Variants in CSMD3 observed in about 807,000 individuals in gnomAD.
CSMD3 encodes the protein CUB and sushi domain-containing protein 3.
CSMD3 carries 177 observed loss-of-function variants against 435.2 expected under a neutral mutation model. The observed-to-expected ratio is 0.41, with a 90% CI of 0.36 to 0.46. The LOEUF is 0.46. CSMD3 is among the 20% of genes least tolerant of loss of function. The pLI, the probability that CSMD3 is intolerant of heterozygous loss-of-function variation, is 0.34. For missense variants in CSMD3, 4,265 were observed against 4,504.6 expected (o/e 0.95, Z 1.52); for synonymous variants, 1,656 against 1,520.5 (o/e 1.09, Z -2.07).
chr8:112,664,344 G>T (rs2075464540), intron 17 of CSMD3, among the ~76,000 whole-genome samples: 1 of 152,054 alleles, frequency 6.6e-6, no homozygotes, highest in Non-Finnish European at 1.5e-5. Context: ...ACATAATTCT[G>T]TGTGCTAAAG....
chr8:112,537,416 G>A (rs1419203459), intron 27 of CSMD3, among the ~76,000 whole-genome samples: 2 of 151,482 alleles, frequency 1.3e-5, no homozygotes, highest in African/African-American at 4.8e-5. Flanking sequence ...AAAATTGAGA[G>A]TGAAAAAAGA....
intron 13 of CSMD3, among the ~76,000 whole-genome samples, chr8:112,767,364 T>C (rs949168856): frequency 6.6e-6 from 1 of 151,780 alleles, no homozygotes; most frequent in South Asian, 2.1e-4. Context: ...AACCAAGATA[T>C]AGGATGATAC....
intron 32 of CSMD3, among the ~76,000 whole-genome samples, chr8:112,418,130 G>A (rs1372638400): frequency 1.3e-5 from 2 of 152,106 alleles, no homozygotes; most frequent in Non-Finnish European, 2.9e-5. Context: ...AATAAAGAAG[G>A]ATTCAAATCA....
At chr8:112,604,723 T>C (rs1832656609) in intron 22 of CSMD3, among the ~76,000 whole-genome samples, 1 of 152,084 alleles carries the variant, frequency 6.6e-6, no homozygotes, top group Admixed American at 6.6e-5. Context: ...ACCTAGCTCC[T>C]GGCAAAGGTT....
At chr8:112,483,474 C>G (rs1209656160) in intron 31 of CSMD3, among the ~76,000 whole-genome samples, 2 of 152,178 alleles carry the variant, frequency 1.3e-5, no homozygotes, top group East Asian at 3.9e-4. Context: ...CAGAGTGAGA[C>G]TCCACCTCGA....
At chr8:112,289,652 C>A in intron 56 of CSMD3, 114 bp from the exon 57 acceptor site, 2 of 690,832 alleles carry the variant, frequency 2.9e-6, no homozygotes, top group Admixed American at 2.9e-5. Context: ...ACATCTAAAG[C>A]CTCCAGAAAT....
intron 5 of CSMD3, among the ~76,000 whole-genome samples, chr8:113,032,841 G>A (rs1190112848): frequency 6.6e-6 from 1 of 151,422 alleles, no homozygotes; most frequent in Admixed American, 6.6e-5. Flanking sequence ...ATGGCTTCCT[G>A]GGCTGCACTC....
intron 32 of CSMD3, among the ~76,000 whole-genome samples, chr8:112,431,587 A>G (rs1563937833): frequency 6.6e-6 from 1 of 152,148 alleles, no homozygotes; most frequent in Non-Finnish European, 1.5e-5. Flanking sequence ...GAGCTTGAAC[A>G]GCGAAATGAT....
intron 4 of CSMD3, among the ~76,000 whole-genome samples, chr8:113,146,577 G>A (rs946801670): frequency 1.3e-5 from 2 of 151,522 alleles, no homozygotes; most frequent in Non-Finnish European, 3.0e-5. Context: ...ACATTTGGAA[G>A]AAGGCAAAGA....
intron 13 of CSMD3, among the ~76,000 whole-genome samples, chr8:112,734,123 A>G (rs947645266): frequency 3.2e-4 from 49 of 152,118 alleles, no homozygotes; most frequent in African/African-American, 1.1e-3. Context: ...GAAACATTAA[A>G]CAAAAGAAGT....
intron 32 of CSMD3, among the ~76,000 whole-genome samples, chr8:112,438,358 A>T (rs1563945883): frequency 6.6e-6 from 1 of 152,188 alleles, no homozygotes; most frequent in Admixed American, 6.5e-5. Flanking sequence ...CTGACAGTTC[A>T]GAATTCTGCT....
At chr8:112,480,909 T>A (rs771986459) in intron 31 of CSMD3, among the ~76,000 whole-genome samples, 11 of 152,214 alleles carry the variant, frequency 7.2e-5, no homozygotes, top group South Asian at 6.2e-4. Context: ...AGTTTCTTAG[T>A]TTTCTTGTTC....
At chr8:112,260,344 C>T (rs1446477619) in intron 61 of CSMD3, among the ~76,000 whole-genome samples, 1 of 151,968 alleles carries the variant, frequency 6.6e-6, no homozygotes, top group Non-Finnish European at 1.5e-5. Flanking sequence ...AACACTGTGC[C>T]CTTGCAATTT....
intron 36 of CSMD3, among the ~76,000 whole-genome samples, chr8:112,385,740 T>C (rs1376492684): frequency 6.6e-6 from 1 of 152,098 alleles, no homozygotes; most frequent in Non-Finnish European, 1.5e-5. Flanking sequence ...AAGGAAAAAT[T>C]TGAGAATAAT....
At chr8:112,758,245 T>C (rs961942049) in intron 13 of CSMD3, among the ~76,000 whole-genome samples, 1 of 151,458 alleles carries the variant, frequency 6.6e-6, no homozygotes, top group Non-Finnish European at 1.5e-5. Flanking sequence ...TCCCAGCTAC[T>C]TGGGATGTTA....
chr8:112,687,605 T>C (rs1563853414), intron 14 of CSMD3, among the ~76,000 whole-genome samples: 1 of 152,182 alleles, frequency 6.6e-6, no homozygotes, highest in Non-Finnish European at 1.5e-5. Flanking sequence ...TATATCTCTC[T>C]TTATAACTTT....
At chr8:113,212,717 C>G (rs989630461) in intron 3 of CSMD3, among the ~76,000 whole-genome samples, 1 of 151,482 alleles carries the variant, frequency 6.6e-6, no homozygotes, top group African/African-American at 2.4e-5. Flanking sequence ...GAAGGGGAAC[C>G]TCACACACCA....
chr8:112,510,205 G>A (rs1822964979), intron 28 of CSMD3, among the ~76,000 whole-genome samples: 2 of 152,036 alleles, frequency 1.3e-5, no homozygotes. Flanking sequence ...TAATTGAAAC[G>A]ATTATTCCCC....
At chr8:113,159,263 T>C (rs2091992714) in intron 4 of CSMD3, among the ~76,000 whole-genome samples, 2 of 151,160 alleles carry the variant, frequency 1.3e-5, no homozygotes, top group South Asian at 2.1e-4. Flanking sequence ...TATATAATTA[T>C]ATATATTTTT....
Sources: allele counts gnomAD v4.1 joint callset (sites outside exome capture counted in the v4.1 genomes callset), GRCh38; gene constraint gnomAD v4.1.1; transcripts MANE v1.5; gene names NCBI Gene and HGNC (gene_info 2026-07-23, HGNC 2026-07-21).